Variants in SACS observed in about 807,000 individuals in gnomAD.
The protein encoded by SACS is sacsin.
In SACS, 197 loss-of-function variants were observed where a neutral mutation model predicts 348.0. That is an observed-to-expected ratio of 0.57 (90% CI 0.50 to 0.64). SACS has a LOEUF of 0.64. Ranked by LOEUF, SACS falls within the 30% of genes least tolerant of loss-of-function variation. The probability of loss-of-function intolerance (pLI) is 0.00; values close to 1 mark genes in which losing one functional copy is unlikely to be tolerated. For synonymous variants in SACS, 1,985 were observed against 1,910.6 expected (o/e 1.04, Z -1.02); for missense variants, 4,999 against 5,360.8 (o/e 0.93, Z 2.11).
At chr13:23,354,487 G>A in intron 8 of SACS, 32 bp downstream of exon 8, 1 of 1,592,454 alleles carries the variant, frequency 6.3e-7, no homozygotes, top group South Asian at 1.1e-5. Flanking sequence ...AACCCTAAGA[G>A]TGAACAGGAA....
chr13:23,426,342 T>G (rs1292768971), intron 1 of SACS, among the ~76,000 whole-genome samples: 1 of 152,064 alleles, frequency 6.6e-6, no homozygotes. Context: ...CATCAGTTAG[T>G]ATATGTAAGA....
chr13:23,363,795 T>C (rs534433007), intron 6 of SACS, among the ~76,000 whole-genome samples: 5 of 152,318 alleles, frequency 3.3e-5, no homozygotes, highest in African/African-American at 9.6e-5. Flanking sequence ...CTCATACCAC[T>C]TGCAGGCAAG....
At chr13:23,368,819 C>G (rs1267521461) in intron 4 of SACS, among the ~76,000 whole-genome samples, 1 of 152,174 alleles carries the variant, frequency 6.6e-6, no homozygotes, top group Non-Finnish European at 1.5e-5. Flanking sequence ...CTGCCTCAGC[C>G]TCCCGAATAG....
intron 3 of SACS, among the ~76,000 whole-genome samples, chr13:23,374,410 C>T (rs1871611221): frequency 6.6e-6 from 1 of 152,148 alleles, no homozygotes; most frequent in African/African-American, 2.4e-5. Flanking sequence ...ATTATCTGTT[C>T]AACTCTTTGT....
rs71100174 is a variant in SACS, at chr13:23,381,355, GCACACACACACACACACA to G, written c.21-6104_21-6087del. On this transcript the variant is annotated intron_variant, in intron 2 of 9. Coordinates refer to ENST00000382292, the MANE Select transcript of SACS (RefSeq NM_014363.6). ...TCTGGCTGGACATGGGCAGCACGAA[GCACACACACACACACACA>G]CACACACACACACACACACACAGGC... Among the ~76,000 whole-genome samples the G allele has an allele frequency of 8.6e-5, 12 of 140,072 alleles. No individual in the cohort carries two copies. In the South Asian group the frequency reaches 2.7e-3, roughly 32 times the overall value. The allele number at this position is 140,072 out of a possible 152,430, so 91.9% of individuals were successfully genotyped here. A position where few individuals can be genotyped will look rare whatever the true frequency, so the allele number is the denominator to read the frequency against.
rs567258116 is a variant in SACS at position 23,337,865 on chromosome 13, A to G, written c.6011T>C (p.Val2004Ala). The change falls in exon 10 of 10, where the codon GTT becomes GCT. Residue 2004 changes from valine to alanine, a missense_variant. Val to Ala is a moderately conservative substitution (Grantham distance 64). Transcript: ENST00000382292. ...AAATATCTTGAAGGCTGCTGAACCA[A>G]CATCTCTTCTTTTAAGTATAGAGTC... ...LDDSILKRRD[V>A]GSAAFKIFLK... 2.5e-5 allele frequency: 40 copies of G among 1,613,980 alleles called. No individual in the cohort carries two copies. In the South Asian group the frequency reaches 4.3e-4, roughly 17 times the overall value.
In SACS at chr13:23,375,431, G is replaced by A. The variant is rs578105700; in HGVS notation, c.21-162C>T. On this transcript the variant is annotated intron_variant, in intron 2 of 9. Transcript: ENST00000382292. ...GCCCGATCACGGCCGGCCCTACCGC[G>A]TCCACAGGCCCCGCGCGGGCCGGGA... 3.8e-5 allele frequency: 46 copies of A among 1,198,038 alleles called. No individual in the cohort carries two copies. The African/African-American group carries it at 6.2e-4, about 16-fold the overall frequency. 74.2% of individuals were successfully genotyped at this position (1,198,038 alleles called of 1,614,324 possible). A position where few individuals can be genotyped will look rare whatever the true frequency, so the allele number is the denominator to read the frequency against.
At position 23,335,098 on chromosome 13, in the gene SACS, T is replaced by C. The variant is rs866957326; in HGVS notation, c.8778A>G (p.Leu2926=). Residue 2926 remains leucine (L), a synonymous_variant, in exon 10 of 10, where the codon CTA becomes CTG. Coordinates refer to ENST00000382292, the MANE Select transcript of SACS (RefSeq NM_014363.6). The surrounding 1 kb of genome is among the most constrained non-coding windows in gnomAD (Gnocchi z 4.7). ...ALIAPAYVEL[L]IQLKKRYFPG... ...GGAAATACCGTTTTTTTAACTGTAT[T>C]AGCAATTCAACATATGCAGGAGCTA... 3 of 1,613,912 alleles carry C rather than the reference T, an allele frequency of 1.9e-6. No individual in the cohort carries two copies. The Middle Eastern group carries it at 5.0e-4, about 266-fold the overall frequency.
chr13:23,421,664 TG>T (rs1873946431), intron 1 of SACS, among the ~76,000 whole-genome samples: 1 of 152,080 alleles, frequency 6.6e-6, no homozygotes, highest in South Asian at 2.1e-4. Context: ...AGTGTCCACC[TG>T]GGGCCTGATG....
intron 9 of SACS, among the ~76,000 whole-genome samples, chr13:23,345,616 CT>C (rs1309354390): frequency 6.6e-6 from 1 of 152,102 alleles, no homozygotes; most frequent in African/African-American, 2.4e-5. Context: ...TTGATACCAC[CT>C]TAAAACATGT....
In SACS at chr13:23,338,259, A is replaced by C. The variant is rs376192807; in HGVS notation, c.5617T>G (p.Tyr1873Asp). ...VKPHIGEVFCYLPLRIKTGLP... is the reference protein window; with the variant it reads ...VKPHIGEVFCDLPLRIKTGLP... ...CCTGTTTTTATTCGTAAAGGTAAAT[A>C]GCAAAACACCTCTCCAATGTGTGGT... Residue 1873 changes from tyrosine (Y) to aspartate (D), a missense_variant, in exon 10 of 10, where the codon TAT becomes GAT. This residue lies in a region of SACS where 3,156 missense variants were observed against 3,380.1 expected (regional missense o/e 0.93). Transcript: ENST00000382292. The C allele has an allele frequency of 4.3e-6, 7 of 1,614,032 alleles. No individual in the cohort carries two copies. Among genetic ancestry groups the C allele is most frequent in the Non-Finnish European group, 5.9e-6 (7 of 1,180,020 alleles).
At chr13:23,382,783 G>GTTTTT (rs758674945) in intron 2 of SACS, among the ~76,000 whole-genome samples, 4 of 137,962 alleles carry the variant, frequency 2.9e-5, no homozygotes, top group African/African-American at 7.9e-5. Flanking sequence ...TGTGTGTGTG[G>GTTTTT]TTTTTGTTTT....
At position 23,355,998 on chromosome 13, in the gene SACS, C is replaced by A. The variant is rs2137729432; in HGVS notation, c.614G>T (p.Cys205Phe). ...CCCGATTTGGTCACCACTAAAGATACAAGGAACATCTGTAAAGAAAAATTT... is the reference window on the plus strand; with the variant it reads ...CCCGATTTGGTCACCACTAAAGATAAAAGGAACATCTGTAAAGAAAAATTT... ...NSVYHITDVP[C>F]IFSGDQIGML... The change falls in exon 8 of 10, where the codon TGT becomes TTT. Residue 205 changes from cysteine to phenylalanine, a missense_variant. Cys to Phe is a radical substitution (Grantham distance 205). Transcript: ENST00000382292. The A allele has an allele frequency of 1.9e-6, 3 of 1,612,962 alleles. No individual in the cohort carries two copies. The highest frequency in any genetic ancestry group is 2.7e-5 in the African/African-American group (2 of 74,934).
rs1344467622 is a variant in SACS, at chr13:23,329,581, A to G, written c.*555T>C. 3 of 601,306 alleles carry G rather than the reference A, an allele frequency of 5.0e-6. No homozygotes were observed. In the African/African-American group the frequency reaches 5.7e-5, roughly 11 times the overall value. 37.2% of individuals were successfully genotyped at this position (601,306 alleles called of 1,614,324 possible). A position where few individuals can be genotyped will look rare whatever the true frequency, so the allele number is the denominator to read the frequency against. On this transcript the variant is annotated 3_prime_UTR_variant, in exon 10 of 10. Transcript: ENST00000382292. ...CTACCTTCACACTCTTAGTCAAGTAATAGGATTAAAATACTCTACCATTTC... is the reference window on the plus strand; with the variant it reads ...CTACCTTCACACTCTTAGTCAAGTAGTAGGATTAAAATACTCTACCATTTC...
At position 23,339,956 on chromosome 13, in the gene SACS, A is replaced by G; in HGVS notation, c.3920T>C (p.Val1307Ala). 1 of 1,613,828 alleles carries G rather than the reference A, an allele frequency of 6.2e-7. No individual in the cohort carries two copies. The highest frequency in any genetic ancestry group is 8.5e-7 in the Non-Finnish European group (1 of 1,179,886). Residue 1307 changes from valine (V) to alanine (A), a missense_variant, in exon 10 of 10, where the codon GTA (valine) becomes GCA (alanine). Around this residue, in one of 6 missense-constraint regions of SACS, gnomAD observed 3,156 missense variants for 3,380.1 expected, o/e 0.93. Coordinates refer to ENST00000382292, the MANE Select transcript of SACS (RefSeq NM_014363.6). ...DLDLQPYLHN[V>A]PKTMAKFHQL... ...GTGGAATTTTGCCATGGTTTTAGGT[A>G]CATTATGCAAATAAGGCTGAAGGTC...
Position 23,355,096 on chromosome 13 carries a change from C to A in SACS, c.1516G>T (p.Ala506Ser), listed in dbSNP as rs1870266028. The change falls in exon 8 of 10, where the codon GCT becomes TCT. Residue 506 changes from alanine to serine, a missense_variant. Physicochemically the swap from Ala to Ser is moderately conservative, Grantham distance 99. Coordinates refer to ENST00000382292, the MANE Select transcript of SACS (RefSeq NM_014363.6). Reference sequence around the variant, plus strand: ...TTTATTGAATCTAAGATCAGAGTAGCATAAGCTTTGGGGACAACATTCATG... The same window carrying A: ...TTTATTGAATCTAAGATCAGAGTAGAATAAGCTTTGGGGACAACATTCATG... ...LVMNVVPKAY[A>S]TLILDSIKRL... The A allele has an allele frequency of 6.2e-7, 1 of 1,614,214 alleles. No individual in the cohort carries two copies. Among genetic ancestry groups the A allele is most frequent in the Non-Finnish European group, 8.5e-7 (1 of 1,180,048 alleles).
At chr13:23,402,783 T>G (rs1381635430) in intron 2 of SACS, among the ~76,000 whole-genome samples, 1 of 152,118 alleles carries the variant, frequency 6.6e-6, no homozygotes, top group South Asian at 2.1e-4. Context: ...CCAGGAACCT[T>G]AGGACCCAGA....
chr13:23,336,681 C>G lies in SACS; in HGVS notation c.7195G>C (p.Asp2399His), dbSNP rs2137602886. Residue 2399 changes from aspartate to histidine, a missense_variant, in exon 10 of 10, where the codon GAT becomes CAT. Physicochemically the swap from Asp to His is moderately conservative, Grantham distance 81 (BLOSUM62 -1). Transcript: ENST00000382292. ...ATAGATTCCAAAACAAGAGCAAAATCTTCAACAGTGCATGACTGCCTCACA... is the reference window on the plus strand; with the variant it reads ...ATAGATTCCAAAACAAGAGCAAAATGTTCAACAGTGCATGACTGCCTCACA... ...VGVRQSCTVE[D>H]FALVLESIDQ... The G allele has an allele frequency of 6.2e-7, 1 of 1,613,874 alleles. No individual in the cohort carries two copies. Among genetic ancestry groups the G allele is most frequent in the Non-Finnish European group, 8.5e-7 (1 of 1,179,882 alleles).
intron 9 of SACS, among the ~76,000 whole-genome samples, chr13:23,351,371 T>G (rs981231020): frequency 6.6e-6 from 1 of 152,150 alleles, no homozygotes; most frequent in African/African-American, 2.4e-5. Context: ...ACTCCCATAA[T>G]TCCCATGTGT....
Sources: gnomAD v4.1 joint callset for allele counts (sites outside exome capture counted in the v4.1 genomes callset) on GRCh38, gnomAD v4.1.1 for gene constraint, gnomAD v4.1.1 regional missense constraint, Gnocchi (gnomAD v3.1) non-coding constraint, MANE v1.5 for transcripts, NCBI Gene and HGNC (gene_info 2026-07-23, HGNC 2026-07-21) for gene names.